Variants in NYAP1 observed in about 807,000 individuals in gnomAD.
NYAP1 encodes neuronal tyrosine-phosphorylated phosphoinositide-3-kinase adapter 1.
Under a neutral mutation model 58.6 loss-of-function variants are expected in NYAP1, and 20 were observed. The observed-to-expected ratio is 0.34, with a 90% CI of 0.24 to 0.50. The LOEUF is 0.50. Among genes scored for constraint, NYAP1 ranks in the 20% least tolerant of loss-of-function variants. The pLI is 0.98. For missense variants in NYAP1, 1,150 were observed against 1,194.5 expected (o/e 0.96, Z 0.55); for synonymous variants, 572 against 523.1 (o/e 1.09, Z -1.27).
chr7:100,492,559 A>G (rs1453580107), intron 6 of NYAP1, among the ~76,000 whole-genome samples: 1 of 152,192 alleles, frequency 6.6e-6, no homozygotes, highest in Admixed American at 6.6e-5. Context: ...ATCCCACCAC[A>G]GCACTCTATC....
chr7:100,490,783 G>C lies in NYAP1; in HGVS notation c.2158+54G>C. ...AGCGGGGCTGGCTGGGGGATCTCCCGGGGTCTAGCTGCACCTGTCCTGACT... is the reference window on the plus strand; with the variant it reads ...AGCGGGGCTGGCTGGGGGATCTCCCCGGGTCTAGCTGCACCTGTCCTGACT... On this transcript the variant is annotated intron_variant, in intron 5 of 6. Transcript: ENST00000300179. The surrounding 1 kb of genome is among the most constrained non-coding windows in gnomAD (Gnocchi z 4.6). 1 of 1,428,546 alleles carries C rather than the reference G, an allele frequency of 7.0e-7. No homozygotes were observed. Among genetic ancestry groups the C allele is most frequent in the Non-Finnish European group, 9.3e-7 (1 of 1,072,368 alleles). 88.5% of individuals were successfully genotyped at this position (1,428,546 alleles called of 1,614,324 possible). A position where few individuals can be genotyped will look rare whatever the true frequency, so the allele number is the denominator to read the frequency against.
At position 100,488,272 on chromosome 7, in the gene NYAP1, C is replaced by T; in HGVS notation, c.551C>T (p.Pro184Leu). ...TTCGATGAGTCCTGCCCCCCAGGCC[C>T]CTCTCCTCGAGGGGGGAACCTGCCT... ...VSFDESCPPG[P>L]SPRGGNLPLQ... The change falls in exon 4 of 7, where the codon CCC becomes CTC. Residue 184 changes from proline (P) to leucine (L), a missense_variant. Coordinates refer to ENST00000300179, the MANE Select transcript of NYAP1 (RefSeq NM_173564.4). This position sits in a 1 kb window ranked among gnomAD's most constrained non-coding sequence, Gnocchi z 5.9. The T allele has an allele frequency of 6.2e-7, 1 of 1,613,930 alleles. No individual in the cohort carries two copies.
rs372796748 is a variant in NYAP1, at chr7:100,494,279, T to C, written c.*376T>C. 731 of 199,996 alleles carry C rather than the reference T, an allele frequency of 3.7e-3. 7 individuals carry two copies. Among genetic ancestry groups the C allele is most frequent in the African/African-American group, 0.016 (680 of 42,152 alleles). 12.4% of individuals were successfully genotyped at this position (199,996 alleles called of 1,614,324 possible). A position where few individuals can be genotyped will look rare whatever the true frequency, so the allele number is the denominator to read the frequency against. On this transcript the variant is annotated 3_prime_UTR_variant, in exon 7 of 7. Transcript: ENST00000300179. ...GTGAGCTGAAAGAGAGGGACTAGAG[T>C]GCCAGATGGAGGAGCTCTTTTCTAG...
At position 100,490,136 on chromosome 7, in the gene NYAP1, C is replaced by A. The variant is rs1161454688; in HGVS notation, c.1946-381C>A. Among the ~76,000 whole-genome samples, 1 of 152,142 alleles carries A rather than the reference C, an allele frequency of 6.6e-6. No individual in the cohort carries two copies. The highest frequency in any genetic ancestry group is 2.4e-5 in the African/African-American group (1 of 41,434). On this transcript the variant is annotated intron_variant, in intron 4 of 6. Coordinates refer to ENST00000300179, the MANE Select transcript of NYAP1 (RefSeq NM_173564.4). The surrounding 1 kb of genome is among the most constrained non-coding windows in gnomAD (Gnocchi z 4.6). ...GGCAGCCCTTCCCCCCAGCGCTCCCCCTTCTGGGCTCAGGAATTGGGATTC... is the reference window on the plus strand; with the variant it reads ...GGCAGCCCTTCCCCCCAGCGCTCCCACTTCTGGGCTCAGGAATTGGGATTC...
At position 100,491,045 on chromosome 7, in the gene NYAP1, G is replaced by T; in HGVS notation, c.2218G>T (p.Val740Leu). Reference sequence around the variant, plus strand: ...CTCCACCTCCGGAGTCCGGCAGGTCGTGCTCCACACACCCCGGCCCTGCAG... The same window carrying T: ...CTCCACCTCCGGAGTCCGGCAGGTCTTGCTCCACACACCCCGGCCCTGCAG... Reference protein sequence around the residue: ...SASTSGVRQVVLHTPRPCSQP... With the variant: ...SASTSGVRQVLLHTPRPCSQP... The change falls in exon 6 of 7, where the codon GTG becomes TTG. Residue 740 changes from valine (V) to leucine (L), a missense_variant. Transcript: ENST00000300179. The T allele has an allele frequency of 6.4e-7, 1 of 1,560,048 alleles. No homozygotes were observed. The highest frequency in any genetic ancestry group is 1.2e-5 in the South Asian group (1 of 84,620).
Position 100,493,952 on chromosome 7 carries a change from C to T in NYAP1, c.*49C>T, listed in dbSNP as rs1004893830. The stretch of plus-strand genomic sequence containing the variant: ...GCCTGGACTGGGGAGGGGGCGGGCA[C>T]GCCTGGCTCTCCCGGGAGCCTCGCC... On this transcript the variant is annotated 3_prime_UTR_variant, in exon 7 of 7. Transcript: ENST00000300179. 5 of 1,361,346 alleles carry T rather than the reference C, an allele frequency of 3.7e-6. No homozygotes were observed. Among genetic ancestry groups the T allele is most frequent in the African/African-American group, 1.5e-5 (1 of 64,726 alleles). 84.3% of individuals were successfully genotyped at this position (1,361,346 alleles called of 1,614,324 possible). A position where few individuals can be genotyped will look rare whatever the true frequency, so the allele number is the denominator to read the frequency against.
chr7:100,486,722 C>T lies in NYAP1; in HGVS notation c.69-99C>T. 2.2e-6 allele frequency: 3 copies of T among 1,361,782 alleles called. No individual in the cohort carries two copies. Among genetic ancestry groups the T allele is most frequent in the South Asian group, 1.6e-5 (1 of 60,730 alleles). 84.4% of individuals were successfully genotyped at this position (1,361,782 alleles called of 1,614,324 possible). On this transcript the variant is annotated intron_variant, in intron 2 of 6. Coordinates refer to ENST00000300179, the MANE Select transcript of NYAP1 (RefSeq NM_173564.4). This position sits in a 1 kb window ranked among gnomAD's most constrained non-coding sequence, Gnocchi z 6.2. ...CCCACCCAGGCTCCCGTCCTCTTCC[C>T]TGGGAAGCCACAGGGTTGCTGACAC...
chr7:100,488,523 C>T lies in NYAP1; in HGVS notation c.802C>T (p.Leu268=), dbSNP rs1584359306. The change falls in exon 4 of 7, where the codon CTG becomes TTG. Residue 268 remains leucine, a synonymous_variant. Transcript: ENST00000300179. This position sits in a 1 kb window ranked among gnomAD's most constrained non-coding sequence, Gnocchi z 5.9. ...EAIYEEMKYP[L]PEEAGEGRAN... Reference sequence around the variant, plus strand: ...CATCTATGAAGAGATGAAGTACCCGCTGCCGGAAGAGGCTGGGGAAGGCCG... The same window carrying T: ...CATCTATGAAGAGATGAAGTACCCGTTGCCGGAAGAGGCTGGGGAAGGCCG... The T allele has an allele frequency of 6.2e-7, 1 of 1,612,506 alleles. No homozygotes were observed.
At chr7:100,493,526 G>A (rs1799824818) in intron 6 of NYAP1, 120 bp from the exon 7 acceptor site, 1 of 918,606 alleles carries the variant, frequency 1.1e-6, no homozygotes, top group African/African-American at 1.7e-5. Context: ...AGGCCGTTGG[G>A]GGGCAAGCAA....
rs750606476 is a variant in NYAP1 at position 100,486,851 on chromosome 7, G to T, written c.99G>T (p.Ser33=). 6.5e-7 allele frequency: 1 copy of T among 1,527,580 alleles called. No homozygotes were observed. The highest frequency in any genetic ancestry group is 8.8e-7 in the Non-Finnish European group (1 of 1,142,190). The allele number at this position is 1,527,580 out of a possible 1,614,324, so 94.6% of individuals were successfully genotyped here. ...GTAAGGAGGTGGCCCCCGCTGGCTC[G>T]GCTGGGCCCGCGGCCGGCCAGGGGC... ...SSSKEVAPAG[S]AGPAAGQGPG... Residue 33 remains serine (S), a synonymous_variant, in exon 3 of 7, where the codon TCG becomes TCT. Transcript: ENST00000300179. The surrounding 1 kb of genome is among the most constrained non-coding windows in gnomAD (Gnocchi z 6.2).
Position 100,490,590 on chromosome 7 carries a change from C to T in NYAP1, c.2019C>T (p.Gly673=), listed in dbSNP as rs1034934326. 1.9e-6 allele frequency: 3 copies of T among 1,581,384 alleles called. No individual in the cohort carries two copies. Among genetic ancestry groups the T allele is most frequent in the South Asian group, 2.3e-5 (2 of 86,298 alleles). The change falls in exon 5 of 7, where the codon GGC becomes GGT. Residue 673 remains glycine, a synonymous_variant. Coordinates refer to ENST00000300179, the MANE Select transcript of NYAP1 (RefSeq NM_173564.4). The surrounding 1 kb of genome is among the most constrained non-coding windows in gnomAD (Gnocchi z 4.6). ...GCAAGGTGGAGCGTGAGGACAGGGGCCCTGGGACATCGGGGATCCCAGTGA... is the reference window on the plus strand; with the variant it reads ...GCAAGGTGGAGCGTGAGGACAGGGGTCCTGGGACATCGGGGATCCCAGTGA... ...GPGKVEREDR[G]PGTSGIPVRS...
In NYAP1 at chr7:100,486,953, G is replaced by C; in HGVS notation, c.201G>C (p.Gln67His). 6.2e-7 allele frequency: 1 copy of C among 1,605,848 alleles called. No individual in the cohort carries two copies. The highest frequency in any genetic ancestry group is 1.7e-5 in the Admixed American group (1 of 58,982). ...GTTTCATGACGATGCCCGCCTCCCA[G>C]GAGCACACCCCGCACCCCTGCCGCA... ...RMGFMTMPAS[Q>H]EHTPHPCRSA... is the part of the protein sequence containing the mutation. The change falls in exon 3 of 7, where the codon CAG (glutamine) becomes CAC (histidine). Residue 67 changes from glutamine to histidine, a missense_variant. Coordinates refer to ENST00000300179, the MANE Select transcript of NYAP1 (RefSeq NM_173564.4). The surrounding 1 kb of genome is among the most constrained non-coding windows in gnomAD (Gnocchi z 6.2).
chr7:100,490,739 C>T lies in NYAP1; in HGVS notation c.2158+10C>T, dbSNP rs372899068. On this transcript the variant is annotated intron_variant, in intron 5 of 6. Coordinates refer to ENST00000300179, the MANE Select transcript of NYAP1 (RefSeq NM_173564.4). The surrounding 1 kb of genome is among the most constrained non-coding windows in gnomAD (Gnocchi z 4.6). ...TGCCACCGCAATGGAGGTGACGCGG[C>T]CTGCACACACCTGTGCACAGCGGGG... is the stretch of plus-strand genomic sequence containing the variant. The T allele has an allele frequency of 3.9e-4, 577 of 1,492,400 alleles. 9 individuals carry two copies. The South Asian group carries it at 6.5e-3, about 17-fold the overall frequency. 92.4% of individuals were successfully genotyped at this position (1,492,400 alleles called of 1,614,324 possible).
At position 100,489,291 on chromosome 7, in the gene NYAP1, GTCC is replaced by G. The variant is rs1362080241; in HGVS notation, c.1574_1576del (p.Leu525del). On this transcript the variant is annotated inframe_deletion, in exon 4 of 7. Transcript: ENST00000300179. ...TGGGGCCATGGGCGCAGCAGCTGGG[GTCC>G]TCCACCACCGCGGCTGCCTGGCCTC... 1 of 1,600,370 alleles carries G rather than the reference GTCC, an allele frequency of 6.2e-7. No homozygotes were observed. The highest frequency in any genetic ancestry group is 1.3e-5 in the African/African-American group (1 of 74,590).
rs774500787 is a variant in NYAP1 at position 100,489,586 on chromosome 7, T to G, written c.1865T>G (p.Val622Gly). ...AGTPEEEEEE[V>G]GAATFGAGWA... ...ACACCAGAGGAGGAAGAAGAGGAGGTGGGCGCCGCGACATTTGGGGCAGGC... is the reference window on the plus strand; with the variant it reads ...ACACCAGAGGAGGAAGAAGAGGAGGGGGGCGCCGCGACATTTGGGGCAGGC... Residue 622 changes from valine (V) to glycine (G), a missense_variant, in exon 4 of 7, where the codon GTG becomes GGG. Transcript: ENST00000300179. 2.5e-4 allele frequency: 392 copies of G among 1,595,456 alleles called. No individual in the cohort carries two copies. Among genetic ancestry groups the G allele is most frequent in the Non-Finnish European group, 3.1e-4 (362 of 1,171,578 alleles).
chr7:100,490,115 G>A lies in NYAP1; in HGVS notation c.1946-402G>A, dbSNP rs888800842. Among the ~76,000 whole-genome samples the A allele has an allele frequency of 1.3e-5, 2 of 152,140 alleles. No homozygotes were observed. The highest frequency in any genetic ancestry group is 4.8e-5 in the African/African-American group (2 of 41,424). ...CAGAGATGAGCTTAGTTCACAGGCA[G>A]CCCTTCCCCCCAGCGCTCCCCCTTC... On this transcript the variant is annotated intron_variant, in intron 4 of 6. Coordinates refer to ENST00000300179, the MANE Select transcript of NYAP1 (RefSeq NM_173564.4). This position sits in a 1 kb window ranked among gnomAD's most constrained non-coding sequence, Gnocchi z 4.6.
In NYAP1 at chr7:100,488,317, G is replaced by T. The variant is rs753411811; in HGVS notation, c.596G>T (p.Gly199Val). 1 of 1,611,698 alleles carries T rather than the reference G, an allele frequency of 6.2e-7. No homozygotes were observed. The highest frequency in any genetic ancestry group is 8.5e-7 in the Non-Finnish European group (1 of 1,179,262). Residue 199 changes from glycine (G) to valine (V), a missense_variant, in exon 4 of 7, where the codon GGG (glycine) becomes GTG (valine). Coordinates refer to ENST00000300179, the MANE Select transcript of NYAP1 (RefSeq NM_173564.4). The surrounding 1 kb of genome is among the most constrained non-coding windows in gnomAD (Gnocchi z 5.9). ...GNLPLQRLTR[G>V]SRVAGDPDVG... ...CTGCCTCTTCAGCGCCTCACTAGGGGGTCCCGAGTAGCTGGGGACCCTGAT... is the reference window on the plus strand; with the variant it reads ...CTGCCTCTTCAGCGCCTCACTAGGGTGTCCCGAGTAGCTGGGGACCCTGAT...
At position 100,487,507 on chromosome 7, in the gene NYAP1, C is replaced by CT. The variant is rs960742527; in HGVS notation, c.430+337dup. ...GTGGCTCACGCCCGTAATCTCAGCACTTTTTTTTTTTTGAGACAGAGTCTC... is the reference window on the plus strand; with the variant it reads ...GTGGCTCACGCCCGTAATCTCAGCACTTTTTTTTTTTTTGAGACAGAGTCTC... On this transcript the variant is annotated intron_variant, in intron 3 of 6. Transcript: ENST00000300179. The surrounding 1 kb of genome is among the most constrained non-coding windows in gnomAD (Gnocchi z 4.1). Among the ~76,000 whole-genome samples the CT allele has an allele frequency of 6.1e-4, 90 of 146,962 alleles. No homozygotes were observed. Among genetic ancestry groups the CT allele is most frequent in the Non-Finnish European group, 6.8e-4 (45 of 66,206 alleles).
chr7:100,489,820 C>A (rs560739359), intron 4 of NYAP1, among the ~76,000 whole-genome samples, 154 bp downstream of exon 4: 1 of 150,360 alleles, frequency 6.7e-6, no homozygotes, highest in Non-Finnish European at 1.5e-5. Context: ...TGGGGGTGGG[C>A]GATAGACAGA....
Sources: gnomAD v4.1 joint callset for allele counts (sites outside exome capture counted in the v4.1 genomes callset) on GRCh38, gnomAD v4.1.1 for gene constraint, Gnocchi (gnomAD v3.1) non-coding constraint, MANE v1.5 for transcripts, NCBI Gene and HGNC (gene_info 2026-07-23, HGNC 2026-07-21) for gene names.